Variants in NTRK3 observed in about 807,000 individuals in gnomAD.
The protein encoded by NTRK3 is neurotrophic receptor tyrosine kinase 3.
Under a neutral mutation model 91.7 loss-of-function variants are expected in NTRK3, and 24 were observed. The ratio of observed to expected loss-of-function variants is 0.26; its 90% CI spans 0.19 to 0.37. The LOEUF (loss-of-function observed/expected upper bound fraction) is 0.37, where lower values mean the gene tolerates loss of function less well. Ranked by LOEUF, NTRK3 falls within the 10% of genes least tolerant of loss-of-function variation. The pLI, the probability that NTRK3 is intolerant of heterozygous loss-of-function variation, is 1.00. For synonymous variants in NTRK3, 483 were observed against 404.0 expected (o/e 1.20, Z -2.34); for missense variants, 880 against 1,068.9 (o/e 0.82, Z 2.46).
chr15:88,095,434 A>G (rs1304967636), intron 13 of NTRK3, among the ~76,000 whole-genome samples: 1 of 152,174 alleles, frequency 6.6e-6, no homozygotes, highest in African/African-American at 2.4e-5. Flanking sequence ...CCATTGAACC[A>G]TGGCTCACTT....
At chr15:88,112,390 C>G (rs1002807680) in intron 13 of NTRK3, among the ~76,000 whole-genome samples, 1 of 152,218 alleles carries the variant, frequency 6.6e-6, no homozygotes, top group South Asian at 2.1e-4. Flanking sequence ...CTGGCAAAGC[C>G]ATCAAGCTGA....
At chr15:87,959,689 C>A (rs1342179093) in intron 14 of NTRK3, among the ~76,000 whole-genome samples, 1 of 152,202 alleles carries the variant, frequency 6.6e-6, no homozygotes, top group East Asian at 1.9e-4. Context: ...GCCCTACGCT[C>A]AAGCTAGAGC....
At chr15:88,131,237 G>A (rs1322389454) in intron 10 of NTRK3, among the ~76,000 whole-genome samples, 2 of 152,170 alleles carry the variant, frequency 1.3e-5, no homozygotes, top group Non-Finnish European at 2.9e-5. Context: ...ACCATGCCCT[G>A]AAAAGTAAAA....
In NTRK3 at chr15:88,112,252, G is replaced by C. The variant is rs142792772; in HGVS notation, c.1396+14019C>G. Among the ~76,000 whole-genome samples the C allele has an allele frequency of 9.8e-5, 15 of 152,352 alleles. No homozygotes were observed. In the East Asian group the frequency reaches 2.7e-3, roughly 27 times the overall value. ...ATTATTTCAGTTAATCCAATGAGCA[G>C]CCCAAGCCTTCAAGATTTTATGTAA... On this transcript the variant is annotated intron_variant, in intron 13 of 18. Coordinates refer to ENST00000394480, the Ensembl canonical transcript of NTRK3.
chr15:88,114,415 T>C (rs2151003648), intron 13 of NTRK3, among the ~76,000 whole-genome samples: 1 of 152,324 alleles, frequency 6.6e-6, no homozygotes, highest in African/African-American at 2.4e-5. Context: ...TTTCTCTTTA[T>C]TTTACAACAA....
chr15:87,916,973 A>G (rs1404237171), intron 17 of NTRK3, among the ~76,000 whole-genome samples: 1 of 152,186 alleles, frequency 6.6e-6, no homozygotes, highest in Non-Finnish European at 1.5e-5. Context: ...CATGTTGGCC[A>G]AGCTGGTCTC....
intron 5 of NTRK3, among the ~76,000 whole-genome samples, chr15:88,183,019 CCCG>C (rs148878818): frequency 1.7e-4 from 24 of 137,406 alleles, no homozygotes; most frequent in African/African-American, 5.9e-4. Context: ...GCAACCCCCC[CCCG>C]CCCCCCGCCA....
chr15:88,183,012 A>T (rs28549754), intron 5 of NTRK3, among the ~76,000 whole-genome samples: 2 of 119,882 alleles, frequency 1.7e-5, no homozygotes, highest in Admixed American at 8.6e-5. Context: ...TCTTCTTGCA[A>T]CCCCCCCCCG....
chr15:88,185,783 T>A (rs2046895270), intron 3 of NTRK3, among the ~76,000 whole-genome samples: 2 of 152,038 alleles, frequency 1.3e-5, no homozygotes, highest in African/African-American at 4.8e-5. Context: ...TGCCACCAAC[T>A]CGAGTCAGAG....
intron 14 of NTRK3, among the ~76,000 whole-genome samples, chr15:87,976,379 C>A (rs982524922): frequency 6.6e-6 from 1 of 152,226 alleles, no homozygotes; most frequent in East Asian, 1.9e-4. Flanking sequence ...GCCTGATCAA[C>A]TTCCTGTCAG....
At chr15:87,916,308 GAAAAA>G (rs11353828) in intron 17 of NTRK3, 1 of 335,462 alleles carries the variant, frequency 3.0e-6, no homozygotes. Context: ...TTTGTCTCAG[GAAAAA>G]AAAAAAAAAG....
intron 13 of NTRK3, among the ~76,000 whole-genome samples, chr15:88,064,769 G>C (rs996459095): frequency 5.9e-5 from 9 of 152,186 alleles, no homozygotes; most frequent in African/African-American, 2.2e-4. Flanking sequence ...TGAGGTCCCA[G>C]TCCCATTCTA....
chr15:87,957,124 A>T (rs1484496324), intron 14 of NTRK3, among the ~76,000 whole-genome samples: 3 of 152,124 alleles, frequency 2.0e-5, no homozygotes, highest in Non-Finnish European at 4.4e-5. Flanking sequence ...GATCTTAGAA[A>T]AGTTACCTAA....
intron 13 of NTRK3, among the ~76,000 whole-genome samples, chr15:88,111,653 T>C (rs1250377009): frequency 2.0e-5 from 3 of 152,088 alleles, no homozygotes; most frequent in Non-Finnish European, 2.9e-5. Context: ...AAATGTATGA[T>C]AGTGACTAAG....
intron 3 of NTRK3, among the ~76,000 whole-genome samples, chr15:88,213,391 G>C (rs930241206): frequency 1.3e-5 from 2 of 152,178 alleles, no homozygotes; most frequent in African/African-American, 4.8e-5. Context: ...GCGGGACAAG[G>C]ACAATGAAAG....
rs537266222 is a variant in NTRK3, at chr15:88,122,567, A to G, written c.1396+3704T>C. On this transcript the variant is annotated intron_variant, in intron 13 of 18. Coordinates refer to ENST00000394480, the Ensembl canonical transcript of NTRK3. ...CCAAACTAAAGCAGTAAATGCAAAT[A>G]TAAGACAAAACAGTAAGTCATTTAT... is the stretch of plus-strand genomic sequence containing the variant. Among the ~76,000 whole-genome samples, 6 of 152,370 alleles carry G rather than the reference A, an allele frequency of 3.9e-5. 1 individual carries two copies. In the South Asian group the frequency reaches 1.0e-3, roughly 26 times the overall value.
chr15:87,906,789 C>T (rs1288658502), intron 17 of NTRK3, among the ~76,000 whole-genome samples: 3 of 152,190 alleles, frequency 2.0e-5, no homozygotes, highest in Non-Finnish European at 2.9e-5. Context: ...ACCACTATTA[C>T]TACCACCAAG....
exon 19 of NTRK3, chr15:87,874,915 A>C (rs2064909652): frequency 4.3e-6 from 1 of 232,554 alleles, no homozygotes; most frequent in African/African-American, 2.2e-5. Context: ...CACAGTGAGA[A>C]AACCAACACC....
At chr15:88,163,003 G>T (rs958303472) in intron 5 of NTRK3, among the ~76,000 whole-genome samples, 2 of 152,110 alleles carry the variant, frequency 1.3e-5, no homozygotes, top group African/African-American at 4.8e-5. Context: ...GGTATAAGAA[G>T]GGCACACAAA....
Sources: allele counts gnomAD v4.1 joint callset (sites outside exome capture counted in the v4.1 genomes callset), GRCh38; gene constraint gnomAD v4.1.1; transcripts MANE v1.5; gene names NCBI Gene and HGNC (gene_info 2026-07-23, HGNC 2026-07-21).